Variants in FLNB observed in about 807,000 individuals in gnomAD.
FLNB encodes the protein filamin-B.
A neutral mutation model predicts 250.6 loss-of-function variants in FLNB; 111 were observed. That is an observed-to-expected ratio of 0.44 (90% CI 0.38 to 0.52). FLNB has a LOEUF of 0.52. FLNB is among the 20% of genes least tolerant of loss of function. The probability of loss-of-function intolerance (pLI) is 0.00; values close to 1 mark genes in which losing one functional copy is unlikely to be tolerated. For missense variants in FLNB, 2,869 were observed against 3,447.8 expected (o/e 0.83, Z 4.20); for synonymous variants, 1,302 against 1,372.1 (o/e 0.95, Z 1.13).
At chr3:58,106,374 A>ATATATATATATATATATATC (rs1339422161) in intron 11 of FLNB, among the ~76,000 whole-genome samples, 4 of 136,878 alleles carry the variant, frequency 2.9e-5, no homozygotes, top group African/African-American at 1.1e-4. Flanking sequence ...ATATATATAT[A>ATATATATATATATATATATC]TATCCTCCTG....
rs368774044 is a variant in FLNB, at chr3:58,145,729, T to C, written c.5426-192T>C. On this transcript the variant is annotated intron_variant, in intron 32 of 45. Coordinates refer to ENST00000295956, the MANE Select transcript of FLNB (RefSeq NM_001457.4). ...TATGTTGTGATTGAAGGAATAATAC[T>C]GCGTAGACCCTCTCTGATGTCCTAG... 3.1e-4 allele frequency among the ~76,000 whole-genome samples: 47 copies of C among 152,306 alleles called. No homozygotes were observed. In the South Asian group the frequency reaches 4.2e-3, roughly 13 times the overall value.
chr3:58,028,406 C>T (rs2097126330), intron 1 of FLNB, among the ~76,000 whole-genome samples: 1 of 151,502 alleles, frequency 6.6e-6, no homozygotes, highest in Admixed American at 6.6e-5. Context: ...TTTAAATTTC[C>T]CATGAAATAT....
intron 25 of FLNB, among the ~76,000 whole-genome samples, chr3:58,131,224 G>T (rs1201329575): frequency 4.6e-5 from 7 of 152,158 alleles, no homozygotes; most frequent in African/African-American, 1.7e-4. Flanking sequence ...GAGGGGGTGG[G>T]TTGCTCTGGA....
At chr3:58,065,044 C>T (rs1488065420) in intron 1 of FLNB, among the ~76,000 whole-genome samples, 21 of 151,986 alleles carry the variant, frequency 1.4e-4, no homozygotes, top group Admixed American at 1.4e-3. Context: ...CGGACCCTGT[C>T]TCAAAAAAAA....
At chr3:58,031,303 T>C (rs1435010937) in intron 1 of FLNB, among the ~76,000 whole-genome samples, 2 of 151,952 alleles carry the variant, frequency 1.3e-5, no homozygotes, top group African/African-American at 4.8e-5. Context: ...AGTGCAGTGT[T>C]GCGATCTCGG....
chr3:58,154,558 A>G, intron 39 of FLNB: 1 of 486,512 alleles, frequency 2.1e-6, no homozygotes, highest in South Asian at 2.2e-5. Context: ...AAAAAAAAAA[A>G]AAAGACATGT....
At chr3:58,106,927 C>T (rs1342179273) in intron 12 of FLNB, 54 bp downstream of exon 12, 3 of 1,501,878 alleles carry the variant, frequency 2.0e-6, no homozygotes, top group Admixed American at 1.7e-5. Context: ...GGTTCCTCAC[C>T]CCCATGCCCG....
At chr3:58,112,630 TACACATGTGC>T (rs772545155) in intron 18 of FLNB, among the ~76,000 whole-genome samples, 19 of 152,182 alleles carry the variant, frequency 1.2e-4, no homozygotes, top group South Asian at 2.1e-4. Context: ...ATCTTTCTGT[TACACATGTGC>T]ACACATGTGC....
In FLNB at chr3:58,066,352, TG is replaced by T. The variant is rs1310729354; in HGVS notation, c.293-10691del. 3.9e-5 allele frequency among the ~76,000 whole-genome samples: 6 copies of T among 152,114 alleles called. No homozygotes were observed. The East Asian group carries it at 9.7e-4, about 25-fold the overall frequency. On this transcript the variant is annotated intron_variant, in intron 1 of 45. Transcript: ENST00000295956. ...CTCCTGCCTCGGCCTTCTGAGTAGC[TG>T]GGATTACAGGCGCCCGCCACCATGC...
rs2106653863 is a variant in FLNB at position 58,008,433 on chromosome 3, G to A, written c.-132G>A. Reference sequence around the variant, plus strand: ...GGGCGGGCGGCCGCAGAGCAGCACCGGCCGTGGCTCCGGTAGCAGCAAGTT... The same window carrying A: ...GGGCGGGCGGCCGCAGAGCAGCACCAGCCGTGGCTCCGGTAGCAGCAAGTT... On this transcript the variant is annotated 5_prime_UTR_variant, in exon 1 of 46. Coordinates refer to ENST00000295956, the MANE Select transcript of FLNB (RefSeq NM_001457.4). The A allele has an allele frequency of 3.6e-6, 4 of 1,111,902 alleles. No homozygotes were observed. The highest frequency in any genetic ancestry group is 5.2e-6 in the Non-Finnish European group (4 of 767,270). The allele number at this position is 1,111,902 out of a possible 1,614,324, so 68.9% of individuals were successfully genotyped here.
chr3:58,021,034 A>G (rs2097113274), intron 1 of FLNB, among the ~76,000 whole-genome samples: 1 of 152,142 alleles, frequency 6.6e-6, no homozygotes, highest in African/African-American at 2.4e-5. Flanking sequence ...CCGTGTCCCA[A>G]GAAAATAAGT....
At chr3:58,146,124 G>A in intron 33 of FLNB, 75 bp downstream of exon 33, 2 of 1,543,804 alleles carry the variant, frequency 1.3e-6, no homozygotes, top group Admixed American at 1.7e-5. Flanking sequence ...TTCCAGGGTG[G>A]CTTTTAAAAG....
Position 58,097,970 on chromosome 3 carries a change from T to C in FLNB, c.1140T>C (p.Tyr380=), listed in dbSNP as rs1286374583. ...ATAAGCCCACCTACTTTGACATCTA[T>C]ACGGCAGGTAACGTGCCTCTCCTCC... The part of the protein sequence containing the change: ...IANKPTYFDI[Y]TAGAGVGDIG... The change falls in exon 7 of 46, where the codon TAT becomes TAC. Residue 380 remains tyrosine, a synonymous_variant. Transcript: ENST00000295956. 1.7e-5 allele frequency: 27 copies of C among 1,613,886 alleles called. No homozygotes were observed. Among genetic ancestry groups the C allele is most frequent in the Non-Finnish European group, 2.1e-5 (25 of 1,179,900 alleles).
Position 58,135,983 on chromosome 3 carries a change from A to G in FLNB, c.4676A>G (p.Gln1559Arg), listed in dbSNP as rs2097315224. Residue 1559 changes from glutamine to arginine, a missense_variant, in exon 28 of 46, where the codon CAA (glutamine) becomes CGA (arginine). Gln to Arg is a conservative substitution (Grantham distance 43). Transcript: ENST00000295956. ...GCATTTCTCTATGATCCACAGGACC[A>G]AGAAGGAAAACCCAAAAGAGCCATT... ...EGLLAVQITD[Q>R]EGKPKRAIVH... The G allele has an allele frequency of 2.5e-6, 4 of 1,614,164 alleles. No homozygotes were observed. The highest frequency in any genetic ancestry group is 2.5e-6 in the Non-Finnish European group (3 of 1,179,994).
At chr3:58,147,142 A>C in intron 34 of FLNB, 149 bp downstream of exon 34, 2 of 761,470 alleles carry the variant, frequency 2.6e-6, no homozygotes, top group Non-Finnish European at 4.3e-6. Context: ...AGGGGATGGA[A>C]TGCAATTTTG....
chr3:58,139,098 G>A (rs1349734587), intron 29 of FLNB, among the ~76,000 whole-genome samples: 1 of 152,126 alleles, frequency 6.6e-6, no homozygotes, highest in African/African-American at 2.4e-5. Context: ...CAAACACCTG[G>A]GTTAGTGAAT....
chr3:58,146,603 G>C lies in FLNB; in HGVS notation c.5555-217G>C, dbSNP rs149781749. On this transcript the variant is annotated intron_variant, in intron 33 of 45. Transcript: ENST00000295956. ...AGAGAGAGCTCCAGGGTTACTTGCA[G>C]TGAAGAACTCAGATGTTTGGGGTTT... The C allele has an allele frequency of 1.8e-4, 100 of 568,368 alleles. 1 individual carries two copies. The highest frequency in any genetic ancestry group is 1.5e-3 in the African/African-American group (82 of 53,368). 35.2% of individuals were successfully genotyped at this position (568,368 alleles called of 1,614,324 possible). A position where few individuals can be genotyped will look rare whatever the true frequency, so the allele number is the denominator to read the frequency against.
At position 58,129,036 on chromosome 3, in the gene FLNB, C is replaced by T. The variant is rs9844789; in HGVS notation, c.4223-1705C>T. Among the ~76,000 whole-genome samples, 460 of 152,272 alleles carry T rather than the reference C, an allele frequency of 3.0e-3. 5 individuals carry two copies. Among genetic ancestry groups the T allele is most frequent in the African/African-American group, 0.011 (444 of 41,554 alleles). ...CTAAGGCAACCTATGGGGGTACTGC[C>T]GGGAAACAGTCGGCTACCTGCCACC... On this transcript the variant is annotated intron_variant, in intron 24 of 45. Coordinates refer to ENST00000295956, the MANE Select transcript of FLNB (RefSeq NM_001457.4).
chr3:58,009,849 T>G (rs1467809905), intron 1 of FLNB, among the ~76,000 whole-genome samples: 1 of 152,016 alleles, frequency 6.6e-6, no homozygotes, highest in Non-Finnish European at 1.5e-5. Flanking sequence ...GGCCTTCTGG[T>G]CTGGGGAGGA....
Sources: allele counts gnomAD v4.1 joint callset (sites outside exome capture counted in the v4.1 genomes callset), GRCh38; gene constraint gnomAD v4.1.1; transcripts MANE v1.5; gene names NCBI Gene and HGNC (gene_info 2026-07-23, HGNC 2026-07-21).